KDR: variants seen among roughly 807,000 people sequenced by gnomAD.
The protein encoded by KDR is vascular endothelial growth factor receptor 2.
Under a neutral mutation model 160.9 loss-of-function variants are expected in KDR, and 43 were observed. The ratio of observed to expected loss-of-function variants is 0.27; its 90% CI spans 0.21 to 0.34. The LOEUF (loss-of-function observed/expected upper bound fraction) is 0.34, where lower values mean the gene tolerates loss of function less well. Ranked by LOEUF, KDR falls within the 10% of genes least tolerant of loss-of-function variation. The pLI, the probability that KDR is intolerant of heterozygous loss-of-function variation, is 1.00. For missense variants in KDR, 1,469 were observed against 1,666.4 expected (o/e 0.88, Z 2.06); for synonymous variants, 617 against 600.1 (o/e 1.03, Z -0.41).
intron 1 of KDR, 31 bp from the exon 2 acceptor site, chr4:55,121,221 T>C: frequency 6.6e-7 from 1 of 1,519,992 alleles, no homozygotes; most frequent in Non-Finnish European, 9.1e-7. Flanking sequence ...TGAATGTAGT[T>C]GCCACTGAGT....
Position 55,080,065 on chromosome 4 carries a change from G to A in KDR, c.3947C>T (p.Thr1316Ile), listed in dbSNP as rs530823779. 1 of 1,614,064 alleles carries A rather than the reference G, an allele frequency of 6.2e-7. No homozygotes were observed. The highest frequency in any genetic ancestry group is 2.2e-5 in the East Asian group (1 of 44,874). ...QSGYHSDDTD[T>I]TVYSSEEAEL... is the part of the protein sequence containing the mutation. ...TGCTTCCTCACTGGAGTACACGGTG[G>A]TGTCTGTGTCATCGGAGTGATATCC... Residue 1316 changes from threonine (T) to isoleucine (I), a missense_variant, in exon 30 of 30, where the codon ACC becomes ATC. Coordinates refer to ENST00000263923, the MANE Select transcript of KDR (RefSeq NM_002253.4).
chr4:55,101,723 C>A (rs1364254054), intron 15 of KDR, among the ~76,000 whole-genome samples, 174 bp downstream of exon 15: 1 of 152,144 alleles, frequency 6.6e-6, no homozygotes, highest in Non-Finnish European at 1.5e-5. Flanking sequence ...TGTTCAGCTC[C>A]CACTTATAAG....
intron 1 of KDR, among the ~76,000 whole-genome samples, chr4:55,122,291 T>C (rs1390152500): frequency 6.6e-6 from 1 of 152,042 alleles, no homozygotes; most frequent in Non-Finnish European, 1.5e-5. Context: ...GAAAGAAAAA[T>C]TGTCCACTAT....
chr4:55,098,448 A>G (rs920397010), intron 16 of KDR, among the ~76,000 whole-genome samples, 176 bp from the exon 17 acceptor site: 2 of 152,098 alleles, frequency 1.3e-5, no homozygotes, highest in African/African-American at 4.8e-5. Context: ...CCCCCAAAGG[A>G]GCTCAGAATT....
At chr4:55,090,155 AAAAAAAAT>A in intron 22 of KDR, 77 bp from the exon 23 acceptor site, 2 of 1,563,558 alleles carry the variant, frequency 1.3e-6, no homozygotes, top group Non-Finnish European at 1.8e-6. Context: ...TCATGCATCA[AAAAAAAAT>A]CCCACATCAG....
chr4:55,122,732 T>A lies in KDR; in HGVS notation c.68-1542A>T, dbSNP rs140664532. On this transcript the variant is annotated intron_variant, in intron 1 of 29. Coordinates refer to ENST00000263923, the MANE Select transcript of KDR (RefSeq NM_002253.4). Reference sequence around the variant, plus strand: ...AATATATCTCAGAAATTAACTGGCATTGGTACTGACTTATGTTTAGAACAG... The same window carrying A: ...AATATATCTCAGAAATTAACTGGCAATGGTACTGACTTATGTTTAGAACAG... 231 of 152,298 alleles carry A rather than the reference T, an allele frequency of 1.5e-3. 1 individual carries two copies. Among genetic ancestry groups the A allele is most frequent in the African/African-American group, 4.6e-3 (193 of 41,566 alleles). The allele number at this position is 152,298 out of a possible 1,614,324, so 9.4% of individuals were successfully genotyped here.
Position 55,087,642 on chromosome 4 carries a change from G to A in KDR, c.3627C>T (p.Asp1209=), listed in dbSNP as rs2110009232. 6.2e-7 allele frequency: 1 copy of A among 1,614,144 alleles called. No individual in the cohort carries two copies. Among genetic ancestry groups the A allele is most frequent in the Non-Finnish European group, 8.5e-7 (1 of 1,179,988 alleles). The change falls in exon 27 of 30, where the codon GAC becomes GAT. Residue 1209 remains aspartate, a synonymous_variant. Coordinates refer to ENST00000263923, the MANE Select transcript of KDR (RefSeq NM_002253.4). ...CTGTGTTGTCATAATGGAATTTGGG[G>A]TCACATACTTCCTCCTCCTCCATAC... ...VSCMEEEEVC[D]PKFHYDNTAG...
At chr4:55,108,042 G>C in intron 9 of KDR, 149 bp from the exon 10 acceptor site, 1 of 812,050 alleles carries the variant, frequency 1.2e-6, no homozygotes. Flanking sequence ...GGAAACAAGA[G>C]ACCTGAGTTC....
At chr4:55,103,421 A>G (rs1720364078) in intron 13 of KDR, among the ~76,000 whole-genome samples, 1 of 152,234 alleles carries the variant, frequency 6.6e-6, no homozygotes, top group Non-Finnish European at 1.5e-5. Context: ...AATAGGTTTT[A>G]GGAAAACAAG....
chr4:55,083,007 G>C (rs1719776325), intron 27 of KDR, among the ~76,000 whole-genome samples: 1 of 152,148 alleles, frequency 6.6e-6, no homozygotes, highest in South Asian at 2.1e-4. Context: ...TTTCACATCT[G>C]TCTGGCCATC....
intron 17 of KDR, 86 bp downstream of exon 17, chr4:55,098,051 G>C (rs1720205858): frequency 6.6e-7 from 1 of 1,521,892 alleles, no homozygotes. Context: ...TCCAACATCT[G>C]AATACACCAC....
intron 29 of KDR, among the ~76,000 whole-genome samples, chr4:55,080,547 C>T (rs1719707616): frequency 6.6e-6 from 1 of 152,192 alleles, no homozygotes; most frequent in Non-Finnish European, 1.5e-5. Flanking sequence ...TTGGGATGTT[C>T]TTAAATTTCA....
intron 15 of KDR, among the ~76,000 whole-genome samples, chr4:55,101,569 T>C (rs969493320): frequency 1.3e-5 from 2 of 152,154 alleles, no homozygotes; most frequent in African/African-American, 4.8e-5. Flanking sequence ...ACATGTGCCA[T>C]GGTGATTTGC....
intron 22 of KDR, among the ~76,000 whole-genome samples, chr4:55,090,793 T>C (rs529210250): frequency 6.6e-6 from 1 of 152,124 alleles, no homozygotes; most frequent in East Asian, 1.9e-4. Flanking sequence ...CATGATATTT[T>C]GTAAGAAAAT....
intron 16 of KDR, 145 bp from the exon 17 acceptor site, chr4:55,098,417 C>G: frequency 9.7e-7 from 1 of 1,027,844 alleles, no homozygotes; most frequent in Non-Finnish European, 1.5e-6. Flanking sequence ...CTATTATAAC[C>G]CTGCTTCTAG....
chr4:55,106,710 C>A lies in KDR; in HGVS notation c.1513G>T (p.Ala505Ser), dbSNP rs766085732. ...ACTTTGTTTTTTCCTTCAATTAGAG[C>A]AAATTGATTTTTATTAACTTCAATT... ...NKIEVNKNQF[A>S]LIEGKNKTVS... The change falls in exon 11 of 30, where the codon GCT becomes TCT. Residue 505 changes from alanine (A) to serine (S), a missense_variant. Physicochemically the swap from Ala to Ser is moderately conservative, Grantham distance 99. Coordinates refer to ENST00000263923, the MANE Select transcript of KDR (RefSeq NM_002253.4). The A allele has an allele frequency of 2.5e-6, 4 of 1,578,628 alleles. No homozygotes were observed. Among genetic ancestry groups the A allele is most frequent in the Non-Finnish European group, 3.5e-6 (4 of 1,147,918 alleles).
At chr4:55,083,927 T>C (rs1464821386) in intron 27 of KDR, among the ~76,000 whole-genome samples, 1 of 152,182 alleles carries the variant, frequency 6.6e-6, no homozygotes, top group East Asian at 1.9e-4. Context: ...CCCCTAAAAG[T>C]AACAGTTGTC....
chr4:55,098,525 TA>T (rs1388862314), intron 16 of KDR, among the ~76,000 whole-genome samples, 171 bp downstream of exon 16: 2 of 152,094 alleles, frequency 1.3e-5, no homozygotes, highest in Non-Finnish European at 2.9e-5. Flanking sequence ...TTCTATCAAT[TA>T]AATCCCTGAG....
At chr4:55,089,184 G>A (rs751890760) in intron 25 of KDR, among the ~76,000 whole-genome samples, 190 bp downstream of exon 25, 71 of 152,252 alleles carry the variant, frequency 4.7e-4, no homozygotes, top group Middle Eastern at 6.8e-3. Flanking sequence ...CTAACTGGTT[G>A]CTTTGAATAA....
Sources: allele counts gnomAD v4.1 joint callset (sites outside exome capture counted in the v4.1 genomes callset), GRCh38; gene constraint gnomAD v4.1.1; transcripts MANE v1.5; gene names NCBI Gene and HGNC (gene_info 2026-07-23, HGNC 2026-07-21).